DAAM2: variants seen among roughly 807,000 people sequenced by gnomAD.
DAAM2 encodes the protein disheveled-associated activator of morphogenesis 2.
In DAAM2, 39 loss-of-function variants were observed where a neutral mutation model predicts 120.7. The ratio of observed to expected loss-of-function variants is 0.32; its 90% CI spans 0.25 to 0.42. The LOEUF (loss-of-function observed/expected upper bound fraction) is 0.42. Ranked by LOEUF, DAAM2 falls within the 10% of genes least tolerant of loss-of-function variation. The probability of loss-of-function intolerance (pLI) is 1.00; values close to 1 mark genes in which losing one functional copy is unlikely to be tolerated. For synonymous variants in DAAM2, 488 were observed against 524.9 expected, an observed-to-expected ratio of 0.93 and a Z score of 0.96; for missense variants, 1,283 against 1,401.7, an observed-to-expected ratio of 0.92 and a Z score of 1.35.
chr6:39,794,524 AG>A (rs1472849498), intron 1 of DAAM2, among the ~76,000 whole-genome samples: 1 of 152,206 alleles, frequency 6.6e-6, no homozygotes, highest in Admixed American at 6.5e-5. Flanking sequence ...TTAGAGAGTC[AG>A]GGGCTCAAGA....
rs374577587 is a variant in DAAM2, at chr6:39,891,416, C to A, written c.2221C>A (p.Arg741Ser). The A allele has an allele frequency of 4.3e-6, 7 of 1,609,884 alleles. No individual in the cohort carries two copies. The African/African-American group carries it at 9.4e-5, about 22-fold the overall frequency. Residue 741 changes from arginine to serine, a missense_variant, in exon 18 of 25, where the codon CGT becomes AGT. Arg to Ser is a moderately radical substitution (Grantham distance 110). Transcript: ENST00000274867. ...EHKHEIERMA[R>S]ADRFLYEMSR... ...CAAGCATGAAATTGAGCGGATGGCC[C>A]GTGCTGACCGCTTCCTCTATGAAAT... is the stretch of plus-strand genomic sequence containing the variant.
chr6:39,866,459 G>T (rs1011819883), intron 5 of DAAM2, among the ~76,000 whole-genome samples: 1 of 152,090 alleles, frequency 6.6e-6, no homozygotes, highest in Non-Finnish European at 1.5e-5. Flanking sequence ...AATACGCTTG[G>T]GATAAGTAAT....
chr6:39,896,974 T>A lies in DAAM2; in HGVS notation c.2504T>A (p.Ile835Asn). ...AAGATCGCTGACACCAAGTCCAGCA[T>A]CGACAGGTGAGGACCTCCCTTCCCG... is the stretch of plus-strand genomic sequence containing the variant. ...LNKIADTKSSIDRNISLLHYL... is the reference protein window; with the variant it reads ...LNKIADTKSSNDRNISLLHYL... The change falls in exon 20 of 25, where the codon ATC becomes AAC. Residue 835 changes from isoleucine to asparagine, a missense_variant. Ile to Asn is a moderately radical substitution (Grantham distance 149). Around this residue, in one of 3 missense-constraint regions of DAAM2, gnomAD observed 748 missense variants for 768.6 expected, o/e 0.97. Transcript: ENST00000274867. The A allele has an allele frequency of 6.2e-7, 1 of 1,607,852 alleles. No homozygotes were observed. The highest frequency in any genetic ancestry group is 8.5e-7 in the Non-Finnish European group (1 of 1,176,936).
chr6:39,795,308 C>T (rs1761668115), intron 1 of DAAM2, among the ~76,000 whole-genome samples: 1 of 152,208 alleles, frequency 6.6e-6, no homozygotes, highest in Non-Finnish European at 1.5e-5. Flanking sequence ...CCCTCTAGAT[C>T]TCAACAGCCA....
chr6:39,868,551 A>C (rs1764521403), intron 6 of DAAM2: 2 of 437,412 alleles, frequency 4.6e-6, no homozygotes, highest in Non-Finnish European at 4.1e-6. Context: ...ATGATAAAGC[A>C]GCACTGAAGC....
At chr6:39,893,614 AGATCTGCTGGGGAAAGCT>A (rs1765883171) in intron 19 of DAAM2, among the ~76,000 whole-genome samples, 1 of 152,242 alleles carries the variant, frequency 6.6e-6, no homozygotes, top group Non-Finnish European at 1.5e-5. Context: ...TGGGATAGCA[AGATCTGCTGGGGAAAGCT>A]ACTCTTCTAT....
Position 39,875,440 on chromosome 6 carries a change from A to G in DAAM2, c.1273A>G (p.Asn425Asp). The G allele has an allele frequency of 6.2e-7, 1 of 1,613,774 alleles. No homozygotes were observed. Among genetic ancestry groups the G allele is most frequent in the Non-Finnish European group, 8.5e-7 (1 of 1,179,796 alleles). ...GVDPDLAPLE[N>D]FNVKNIVNML... ...GGACCCTGACCTGGCTCCCTTGGAG[A>G]ACTTCAATGTCAAGAACATCGTCAA... Residue 425 changes from asparagine to aspartate, a missense_variant, in exon 11 of 25, where the codon AAC (asparagine) becomes GAC (aspartate). Physicochemically the swap from Asn to Asp is conservative, Grantham distance 23. Transcript: ENST00000274867.
At chr6:39,887,171 G>A in intron 15 of DAAM2, 1 of 283,800 alleles carries the variant, frequency 3.5e-6, no homozygotes, top group Non-Finnish European at 6.8e-6. Flanking sequence ...GTCATACCCT[G>A]ACCCACTGGC....
intron 1 of DAAM2, among the ~76,000 whole-genome samples, chr6:39,810,071 A>G (rs562034459): frequency 1.3e-5 from 2 of 152,354 alleles, no homozygotes; most frequent in East Asian, 3.9e-4. Context: ...GACAATGCAT[A>G]AAAAGTGCAT....
At chr6:39,835,884 G>T (rs2149242501) in intron 1 of DAAM2, among the ~76,000 whole-genome samples, 1 of 152,224 alleles carries the variant, frequency 6.6e-6, no homozygotes, top group South Asian at 2.1e-4. Flanking sequence ...AAAGACACAG[G>T]CCCAGAGAGG....
Position 39,904,253 on chromosome 6 carries a change from C to T in DAAM2, c.*2216C>T, listed in dbSNP as rs1385697787. 2.2e-6 allele frequency: 1 copy of T among 456,756 alleles called. No homozygotes were observed. Among genetic ancestry groups the T allele is most frequent in the Non-Finnish European group, 4.4e-6 (1 of 226,984 alleles). The allele number at this position is 456,756 out of a possible 1,614,324, so 28.3% of individuals were successfully genotyped here. On this transcript the variant is annotated 3_prime_UTR_variant, in exon 25 of 25. Coordinates refer to ENST00000274867, the MANE Select transcript of DAAM2 (RefSeq NM_001201427.2). ...ACAAATACGTTGTTCCAGAGCTCAG[C>T]CTTCTCACTCTAAAAGAAAGATATT...
chr6:39,898,740 G>A (rs1766282869), intron 21 of DAAM2, 137 bp from the exon 22 acceptor site: 7 of 728,462 alleles, frequency 9.6e-6, no homozygotes, highest in South Asian at 7.8e-5. Context: ...AACATCAATG[G>A]CCACACCAGG....
At chr6:39,836,158 C>T (rs562202797) in intron 1 of DAAM2, among the ~76,000 whole-genome samples, 3 of 152,132 alleles carry the variant, frequency 2.0e-5, no homozygotes, top group Non-Finnish European at 2.9e-5. Flanking sequence ...AGACCTCCCC[C>T]CTGTGCAGAA....
rs1582787160 is a variant in DAAM2 at position 39,903,468 on chromosome 6, T to TG, written c.*1433dup. On this transcript the variant is annotated 3_prime_UTR_variant, in exon 25 of 25. Transcript: ENST00000274867. ...CTCATGCTGGCCTTGGTGGATGGGATGGCTGTATCTAGACAAAATTTTTCT... is the reference window on the plus strand; with the variant it reads ...CTCATGCTGGCCTTGGTGGATGGGATGGGCTGTATCTAGACAAAATTTTTCT... 2 of 152,372 alleles carry TG rather than the reference T, an allele frequency of 1.3e-5. No homozygotes were observed. Among genetic ancestry groups the TG allele is most frequent in the East Asian group, 3.9e-4 (2 of 5,172 alleles). The allele number at this position is 152,372 out of a possible 1,614,324, so 9.4% of individuals were successfully genotyped here. A position where few individuals can be genotyped will look rare whatever the true frequency, so the allele number is the denominator to read the frequency against.
At chr6:39,802,583 G>A (rs1761897999) in intron 1 of DAAM2, among the ~76,000 whole-genome samples, 1 of 152,194 alleles carries the variant, frequency 6.6e-6, no homozygotes, top group Non-Finnish European at 1.5e-5. Context: ...CTCATTAGCT[G>A]TTTCCCCAGC....
intron 1 of DAAM2, among the ~76,000 whole-genome samples, chr6:39,794,529 C>T (rs1761643055): frequency 6.6e-6 from 1 of 152,174 alleles, no homozygotes; most frequent in African/African-American, 2.4e-5. Context: ...GAGTCAGGGG[C>T]TCAAGAAGGC....
intron 17 of DAAM2, 61 bp from the exon 18 acceptor site, chr6:39,891,280 C>T: frequency 1.5e-6 from 2 of 1,333,084 alleles, no homozygotes; most frequent in South Asian, 2.5e-5. Context: ...GCTTCTCACA[C>T]CCTGTACCCC....
chr6:39,875,730 T>C (rs1294477951), intron 11 of DAAM2, among the ~76,000 whole-genome samples: 3 of 152,234 alleles, frequency 2.0e-5, no homozygotes, highest in Non-Finnish European at 4.4e-5. Context: ...GGTTGTTTCA[T>C]TTAAATTTCA....
chr6:39,871,349 G>A (rs145976142), intron 8 of DAAM2, among the ~76,000 whole-genome samples, 157 bp from the exon 9 acceptor site: 3 of 152,290 alleles, frequency 2.0e-5, no homozygotes, highest in Non-Finnish European at 2.9e-5. Context: ...GACAATGGGT[G>A]TCCTACAAAC....
Sources: gnomAD v4.1 joint callset for allele counts (sites outside exome capture counted in the v4.1 genomes callset) on GRCh38, gnomAD v4.1.1 for gene constraint, gnomAD v4.1.1 regional missense constraint, MANE v1.5 for transcripts, NCBI Gene and HGNC (gene_info 2026-07-23, HGNC 2026-07-21) for gene names.